The following ZNF816 variants were observed in gnomAD, a reference collection of about 807,000 sequenced individuals.
ZNF816 encodes the protein zinc finger protein 816, also known as zinc finger protein 816A.
Under a neutral mutation model 8.3 loss-of-function variants are expected in ZNF816, and 11 were observed. The ratio of observed to expected loss-of-function variants is 1.32; its 90% CI spans 0.83 to 2.19. The LOEUF (loss-of-function observed/expected upper bound fraction) is 2.19. ZNF816 is among the 30% of genes most tolerant of loss of function. The probability of loss-of-function intolerance (pLI) is 0.00; values close to 1 mark genes in which losing one functional copy is unlikely to be tolerated. For synonymous variants in ZNF816, 255 were observed against 254.5 expected, an observed-to-expected ratio of 1.00 and a Z score of -0.02; for missense variants, 710 against 779.3, an observed-to-expected ratio of 0.91 and a Z score of 1.06.
chr19:52,953,587 T>C (rs2083483256), intron 2 of ZNF816, among the ~76,000 whole-genome samples: 1 of 92,244 alleles, frequency 1.1e-5, no homozygotes, highest in Admixed American at 1.1e-4. Context: ...TAATATATAA[T>C]ACAATATTAT....
At chr19:52,961,245 C>T (rs977593635) in intron 1 of ZNF816, among the ~76,000 whole-genome samples, 2 of 152,108 alleles carry the variant, frequency 1.3e-5, no homozygotes, top group African/African-American at 2.4e-5. Flanking sequence ...TGGTCCTTTC[C>T]TAGGTGACAC....
Position 52,957,564 on chromosome 19 carries a change from G to C in ZNF816, c.-15-1460C>G, listed in dbSNP as rs1056639745. Among the ~76,000 whole-genome samples the C allele has an allele frequency of 6.6e-6, 1 of 152,190 alleles. No individual in the cohort carries two copies. The highest frequency in any genetic ancestry group is 2.4e-5 in the African/African-American group (1 of 41,442). ...GACCAGGCTCAACTGCCCCCAAGGA[G>C]CCCATGGTCAAGATGACAGTTAGGG... On this transcript the variant is annotated intron_variant, in intron 1 of 3. Transcript: ENST00000444460. The surrounding 1 kb of genome is among the most constrained non-coding windows in gnomAD (Gnocchi z 4.6).
rs534744825 is a variant in ZNF816, at chr19:52,957,191, C to T, written c.-15-1087G>A. On this transcript the variant is annotated intron_variant, in intron 1 of 3. Coordinates refer to ENST00000444460, the MANE Select transcript of ZNF816 (RefSeq NM_001202457.3). This position sits in a 1 kb window ranked among gnomAD's most constrained non-coding sequence, Gnocchi z 4.6. ...GTTGTCTGAGAGGTACTGTCTGCGGCTCGTCATGCTACATTTCTTGGTTCC... is the reference window on the plus strand; with the variant it reads ...GTTGTCTGAGAGGTACTGTCTGCGGTTCGTCATGCTACATTTCTTGGTTCC... Among the ~76,000 whole-genome samples the T allele has an allele frequency of 6.6e-6, 1 of 152,280 alleles. No homozygotes were observed. The highest frequency in any genetic ancestry group is 2.1e-4 in the South Asian group (1 of 4,826).
rs1036306283 is a variant in ZNF816 at position 52,957,874 on chromosome 19, G to A, written c.-15-1770C>T. ...CTTTACAGCTAAGGTTACCCAGAAC[G>A]GGAGTCATTATGGCCCTTACAGTCC... On this transcript the variant is annotated intron_variant, in intron 1 of 3. Coordinates refer to ENST00000444460, the MANE Select transcript of ZNF816 (RefSeq NM_001202457.3). This position sits in a 1 kb window ranked among gnomAD's most constrained non-coding sequence, Gnocchi z 4.6. 2.0e-5 allele frequency among the ~76,000 whole-genome samples: 3 copies of A among 152,118 alleles called. No individual in the cohort carries two copies. The highest frequency in any genetic ancestry group is 2.1e-4 in the South Asian group (1 of 4,828).
intron 1 of ZNF816, chr19:52,960,317 G>A (rs574061430): frequency 7.0e-5 from 17 of 242,372 alleles, no homozygotes; most frequent in African/African-American, 3.5e-4. Context: ...ACTAGTTCTC[G>A]TGTGTACCTA....
At chr19:52,958,822 G>T (rs535044826) in intron 1 of ZNF816, among the ~76,000 whole-genome samples, 1 of 152,280 alleles carries the variant, frequency 6.6e-6, no homozygotes, top group African/African-American at 2.4e-5. Flanking sequence ...GCAGACCGTG[G>T]ATCCCAAACT....
At position 52,951,410 on chromosome 19, in the gene ZNF816, C is replaced by G. The variant is rs776888205; in HGVS notation, c.365G>C (p.Arg122Thr). Residue 122 changes from arginine to threonine, a missense_variant, in exon 4 of 4, where the codon AGA becomes ACA. Transcript: ENST00000444460. ...TGTCATGGGTGCTTCATGGCCATTT[C>G]TTTCAACTTCTTGCCACTGAAACTC... The part of the protein sequence containing the change: ...HFEFQWQEVE[R>T]NGHEAPMTKI... The G allele has an allele frequency of 2.0e-5, 33 of 1,613,910 alleles. No homozygotes were observed. The highest frequency in any genetic ancestry group is 2.8e-5 in the Non-Finnish European group (33 of 1,179,948).
At chr19:52,956,250 A>G in intron 1 of ZNF816, 146 bp from the exon 2 acceptor site, 1 of 899,126 alleles carries the variant, frequency 1.1e-6, no homozygotes, top group South Asian at 1.9e-5. Flanking sequence ...GAGATAAGAA[A>G]GTTCCACAGG....
At position 52,949,709 on chromosome 19, in the gene ZNF816, TGAC is replaced by T. The variant is rs2083436804; in HGVS notation, c.*107_*109del. 3.3e-6 allele frequency: 5 copies of T among 1,513,216 alleles called. No homozygotes were observed. In the African/African-American group the frequency reaches 6.9e-5, roughly 21 times the overall value. 93.7% of individuals were successfully genotyped at this position (1,513,216 alleles called of 1,614,324 possible). ...TCACTGATGAACTACAAGTTATGAATGACGTCTGAAAAATTTGCCACATTTATT... is the reference window on the plus strand; with the variant it reads ...TCACTGATGAACTACAAGTTATGAATGTCTGAAAAATTTGCCACATTTATT... On this transcript the variant is annotated 3_prime_UTR_variant, in exon 4 of 4. Coordinates refer to ENST00000444460, the MANE Select transcript of ZNF816 (RefSeq NM_001202457.3).
intron 2 of ZNF816, among the ~76,000 whole-genome samples, chr19:52,954,481 T>C (rs1310333992): frequency 2.6e-5 from 4 of 152,174 alleles, no homozygotes; most frequent in African/African-American, 7.2e-5. Flanking sequence ...TCTTGTTTTC[T>C]ACCTTGGAAA....
At position 52,952,840 on chromosome 19, in the gene ZNF816, G is replaced by A; in HGVS notation, c.101C>T (p.Ser34Phe). The A allele has an allele frequency of 6.2e-7, 1 of 1,613,040 alleles. No homozygotes were observed. The highest frequency in any genetic ancestry group is 8.5e-7 in the Non-Finnish European group (1 of 1,179,724). ...LTFRDVAIEF[S>F]LEEWKCLNPA... ...GTTCAGGCATTTCCACTCCTCCAAA[G>A]AGAACTCTATAGCCACATCCCTGAA... is the stretch of plus-strand genomic sequence containing the variant. The change falls in exon 3 of 4, where the codon TCT becomes TTT. Residue 34 changes from serine to phenylalanine, a missense_variant. By Grantham distance (155) the Ser-to-Phe change is radical. Coordinates refer to ENST00000444460, the MANE Select transcript of ZNF816 (RefSeq NM_001202457.3).
At position 52,949,527 on chromosome 19, in the gene ZNF816, G is replaced by A. The variant is rs997613221; in HGVS notation, c.*292C>T. On this transcript the variant is annotated 3_prime_UTR_variant, in exon 4 of 4. Coordinates refer to ENST00000444460, the MANE Select transcript of ZNF816 (RefSeq NM_001202457.3). ...ATCTGTCCAGTATGAATTCTCTGATGTCTAATGAGGTGTGAACATGAAGTA... is the reference window on the plus strand; with the variant it reads ...ATCTGTCCAGTATGAATTCTCTGATATCTAATGAGGTGTGAACATGAAGTA... 4 of 627,304 alleles carry A rather than the reference G, an allele frequency of 6.4e-6. No homozygotes were observed. The African/African-American group carries it at 7.2e-5, about 11-fold the overall frequency. 38.9% of individuals were successfully genotyped at this position (627,304 alleles called of 1,614,324 possible).
intron 2 of ZNF816, among the ~76,000 whole-genome samples, chr19:52,954,665 TAACAC>T (rs1033876382): frequency 1.3e-5 from 2 of 151,932 alleles, no homozygotes; most frequent in African/African-American, 4.8e-5. Flanking sequence ...TCTGTACTAA[TAACAC>T]AACAATTAGC....
chr19:52,956,043 C>T lies in ZNF816; in HGVS notation c.47G>A (p.Gly16Glu). The T allele has an allele frequency of 1.2e-6, 2 of 1,611,618 alleles. No individual in the cohort carries two copies. Among genetic ancestry groups the T allele is most frequent in the African/African-American group, 2.7e-5 (2 of 74,644 alleles). ...ATCACTTACCTGAGGAAGAGCCATC[C>T]CTGGCTCCTTTTCTTTGCTCTTCTT... ...ATKKSKEKEP[G>E]MALPQGRLTF... is the part of the protein sequence containing the mutation. The change falls in exon 2 of 4, where the codon GGG (glycine) becomes GAG (glutamate). Residue 16 changes from glycine (G) to glutamate (E), a missense_variant. By Grantham distance (98) the Gly-to-Glu change is moderately conservative. Transcript: ENST00000444460.
In ZNF816 at chr19:52,949,965, G is replaced by A. The variant is rs199753831; in HGVS notation, c.1810C>T (p.Gln604Ter). The change falls in exon 4 of 4, where the codon CAA becomes TAA. Residue 604 changes from glutamine to a stop codon, truncating the protein, a stop_gained. Coordinates refer to ENST00000444460, the MANE Select transcript of ZNF816 (RefSeq NM_001202457.3). LOFTEE classifies it low-confidence loss of function (END_TRUNC). ...KCNECGKVFN[Q>*]KASLAKHQRV... ...TGATGTTTTGCAAGGCTTGCTTTTT[G>A]ATTAAAAACCTTGCCACATTCATTA... 3.7e-5 allele frequency: 59 copies of A among 1,613,808 alleles called. No homozygotes were observed. The East Asian group carries it at 1.3e-3, about 36-fold the overall frequency.
chr19:52,954,826 A>AG lies in ZNF816; in HGVS notation c.63+1200_63+1201insC, dbSNP rs1301179383. On this transcript the variant is annotated intron_variant, in intron 2 of 3. Coordinates refer to ENST00000444460, the MANE Select transcript of ZNF816 (RefSeq NM_001202457.3). The stretch of plus-strand genomic sequence containing the variant: ...TCAAAAAACATGCAAAAAAAAAAAA[A>AG]AAAAACCCCATTCATCAAATAATTT... 3.3e-5 allele frequency among the ~76,000 whole-genome samples: 5 copies of AG among 151,916 alleles called. No individual in the cohort carries two copies. In the East Asian group the frequency reaches 9.7e-4, roughly 29 times the overall value.
At position 52,949,900 on chromosome 19, in the gene ZNF816, C is replaced by A. The variant is rs779139792; in HGVS notation, c.1875G>T (p.Glu625Asp). 1.2e-6 allele frequency: 2 copies of A among 1,613,830 alleles called. No individual in the cohort carries two copies. Among genetic ancestry groups the A allele is most frequent in the East Asian group, 2.2e-5 (1 of 44,864 alleles). ...HTAEKPYKCN[E>D]CGKAFTGQST... Reference sequence around the variant, plus strand: ...ACTGTCCAGTAAAGGCTTTGCCACACTCATTACACTTGTAAGGTTTCTCTG... The same window carrying A: ...ACTGTCCAGTAAAGGCTTTGCCACAATCATTACACTTGTAAGGTTTCTCTG... The change falls in exon 4 of 4, where the codon GAG (glutamate) becomes GAT (aspartate). Residue 625 changes from glutamate (E) to aspartate (D), a missense_variant. Glu to Asp is a conservative substitution (Grantham distance 45, BLOSUM62 2). Coordinates refer to ENST00000444460, the MANE Select transcript of ZNF816 (RefSeq NM_001202457.3).
Position 52,949,545 on chromosome 19 carries a change from A to G in ZNF816, c.*274T>C. 1 of 664,676 alleles carries G rather than the reference A, an allele frequency of 1.5e-6. No individual in the cohort carries two copies. Among genetic ancestry groups the G allele is most frequent in the Non-Finnish European group, 2.8e-6 (1 of 354,376 alleles). The allele number at this position is 664,676 out of a possible 1,614,324, so 41.2% of individuals were successfully genotyped here. On this transcript the variant is annotated 3_prime_UTR_variant, in exon 4 of 4. Coordinates refer to ENST00000444460, the MANE Select transcript of ZNF816 (RefSeq NM_001202457.3). ...CTCTGATGTCTAATGAGGTGTGAAC[A>G]TGAAGTAAAGGCTTTGCCACAATCA...
At chr19:52,959,877 C>T (rs1177242994) in intron 1 of ZNF816, 1 of 152,518 alleles carries the variant, frequency 6.6e-6, no homozygotes, top group East Asian at 1.9e-4. Context: ...GCAACATCCA[C>T]ACCCTACTGG....
Sources: gnomAD v4.1 joint callset for allele counts (sites outside exome capture counted in the v4.1 genomes callset) on GRCh38, gnomAD v4.1.1 for gene constraint, Gnocchi (gnomAD v3.1) non-coding constraint, MANE v1.5 for transcripts, NCBI Gene and HGNC (gene_info 2026-07-23, HGNC 2026-07-21) for gene names.